The following DNAH14 variants were observed in gnomAD, a reference collection of about 807,000 sequenced individuals.
DNAH14 encodes dynein axonemal heavy chain 14.
DNAH14 carries 478 observed loss-of-function variants against 520.9 expected under a neutral mutation model. That is an observed-to-expected ratio of 0.92 (90% CI 0.85 to 0.99). DNAH14 has a LOEUF of 0.99. Among genes scored for constraint, DNAH14 ranks in the 50% least tolerant of loss-of-function variants. The probability of loss-of-function intolerance (pLI) is 0.00; values close to 1 mark genes in which losing one functional copy is unlikely to be tolerated. For missense variants in DNAH14, 4,831 were observed against 5,234.5 expected, an observed-to-expected ratio of 0.92 and a Z score of 2.38; for synonymous variants, 1,581 against 1,757.2, an observed-to-expected ratio of 0.90 and a Z score of 2.51.
chr1:225,077,486 T>C (rs1372273889), intron 17 of DNAH14, among the ~76,000 whole-genome samples: 1 of 85,392 alleles, frequency 1.2e-5, no homozygotes, highest in African/African-American at 2.9e-5. Context: ...GATATAAATG[T>C]GTATTTCAAA....
rs1286887330 is a variant in DNAH14, at chr1:225,207,262, C to T, written c.6439+42C>T. On this transcript the variant is annotated intron_variant, in intron 41 of 85. Transcript: ENST00000682510. ...AAGTCATATCAATGATATATCTTAG[C>T]TAGTCAATGCTAATTCATCACCGTC... The T allele has an allele frequency of 5.6e-6, 8 of 1,427,334 alleles. No individual in the cohort carries two copies. The East Asian group carries it at 2.1e-4, about 38-fold the overall frequency. The allele number at this position is 1,427,334 out of a possible 1,614,324, so 88.4% of individuals were successfully genotyped here. A position where few individuals can be genotyped will look rare whatever the true frequency, so the allele number is the denominator to read the frequency against.
chr1:225,272,245 C>T (rs764384177), intron 51 of DNAH14, among the ~76,000 whole-genome samples, 172 bp downstream of exon 51: 5 of 152,094 alleles, frequency 3.3e-5, no homozygotes, highest in Admixed American at 6.6e-5. Context: ...AAAATAATTC[C>T]GTGCAAATAA....
At chr1:224,997,633 A>G (rs925953480) in intron 8 of DNAH14, among the ~76,000 whole-genome samples, 10 of 151,892 alleles carry the variant, frequency 6.6e-5, no homozygotes, top group Non-Finnish European at 1.3e-4. Flanking sequence ...AGTCTGTGTT[A>G]ATTCTTCTTT....
intron 27 of DNAH14, among the ~76,000 whole-genome samples, chr1:225,131,206 T>C (rs2078383662): frequency 6.6e-6 from 1 of 152,202 alleles, no homozygotes; most frequent in African/African-American, 2.4e-5. Context: ...AGTTTTCTAC[T>C]GCTGTTATTA....
intron 8 of DNAH14, among the ~76,000 whole-genome samples, chr1:224,989,805 A>C (rs925151175): frequency 6.6e-6 from 1 of 152,002 alleles, no homozygotes; most frequent in Non-Finnish European, 1.5e-5. Context: ...TTTCTGTATA[A>C]ATTTATTTGA....
chr1:225,271,833 T>C, intron 50 of DNAH14, 73 bp from the exon 51 acceptor site: 1 of 1,214,198 alleles, frequency 8.2e-7, no homozygotes, highest in Non-Finnish European at 1.1e-6. Flanking sequence ...GTCCGCTTTT[T>C]AGTGGAAGGT....
intron 27 of DNAH14, among the ~76,000 whole-genome samples, chr1:225,127,222 G>A (rs1398780290): frequency 1.3e-5 from 2 of 152,096 alleles, no homozygotes; most frequent in Non-Finnish European, 2.9e-5. Context: ...TGTCTATTAG[G>A]TCCACTTGGT....
chr1:224,946,254 C>G (rs1490478667), intron 1 of DNAH14, among the ~76,000 whole-genome samples: 3 of 152,080 alleles, frequency 2.0e-5, no homozygotes, highest in Non-Finnish European at 2.9e-5. Flanking sequence ...GCTGTGCTAG[C>G]AATGAGAGAG....
chr1:225,173,801 A>T (rs1289997271), intron 36 of DNAH14, among the ~76,000 whole-genome samples: 1 of 152,236 alleles, frequency 6.6e-6, no homozygotes, highest in African/African-American at 2.4e-5. Context: ...GTATAAAGAC[A>T]TATGCACATA....
chr1:225,383,269 T>C (rs2095802066), intron 81 of DNAH14, among the ~76,000 whole-genome samples: 1 of 152,136 alleles, frequency 6.6e-6, no homozygotes, highest in Non-Finnish European at 1.5e-5. Context: ...ATAATAACAA[T>C]TATAATTCCT....
chr1:224,943,943 G>A (rs190167148), intron 1 of DNAH14, among the ~76,000 whole-genome samples: 1 of 152,228 alleles, frequency 6.6e-6, no homozygotes, highest in African/African-American at 2.4e-5. Flanking sequence ...AATAAGTGCG[G>A]TGTGGTGCTG....
chr1:225,049,225 A>G (rs1473178928), intron 15 of DNAH14, among the ~76,000 whole-genome samples: 1 of 151,360 alleles, frequency 6.6e-6, no homozygotes, highest in Non-Finnish European at 1.5e-5. Flanking sequence ...ACGCCCAGCT[A>G]ATTTTTTTTG....
Position 225,119,292 on chromosome 1 carries a change from AAAGT to A in DNAH14, c.4166+4_4166+7del, listed in dbSNP as rs753695693. On this transcript the variant is annotated splice_donor_variant and coding_sequence_variant, in exon 26 of 86. Transcript: ENST00000682510. LOFTEE classifies it high-confidence loss of function. ...AAAAAAGCATGTTCGATGTGCTAAA[AAAGT>A]AAGTACAATTTTCAAATCCTAAAAT... 486 of 1,515,526 alleles carry A rather than the reference AAAGT, an allele frequency of 3.2e-4. 1 individual carries two copies. Among genetic ancestry groups the A allele is most frequent in the Non-Finnish European group, 4.0e-4 (453 of 1,129,042 alleles). The allele number at this position is 1,515,526 out of a possible 1,614,324, so 93.9% of individuals were successfully genotyped here.
intron 49 of DNAH14, 81 bp downstream of exon 49, chr1:225,266,850 A>C: frequency 7.5e-7 from 1 of 1,326,600 alleles, no homozygotes; most frequent in Non-Finnish European, 1.0e-6. Flanking sequence ...TGTTGAGTGA[A>C]TTGCTTGAGA....
intron 5 of DNAH14, among the ~76,000 whole-genome samples, chr1:224,965,858 C>A (rs1467591590): frequency 2.0e-5 from 3 of 152,124 alleles, no homozygotes; most frequent in Admixed American, 1.3e-4. Flanking sequence ...AAAACCATAG[C>A]TGTACATGGG....
At chr1:224,932,997 T>C (rs2058791175) in intron 1 of DNAH14, among the ~76,000 whole-genome samples, 1 of 152,158 alleles carries the variant, frequency 6.6e-6, no homozygotes, top group African/African-American at 2.4e-5. Context: ...GGAATTGCAT[T>C]GAATCTGTAA....
At position 225,271,955 on chromosome 1, in the gene DNAH14, A is replaced by C. The variant is rs1224484375; in HGVS notation, c.7721A>C (p.Gln2574Pro). 5 of 1,550,326 alleles carry C rather than the reference A, an allele frequency of 3.2e-6. No individual in the cohort carries two copies. Among genetic ancestry groups the C allele is most frequent in the Non-Finnish European group, 4.4e-6 (5 of 1,146,594 alleles). ...FSINNFTPEV[Q>P]KSKDQIISCS... ...ATCAATAACTTCACACCTGAAGTTC[A>C]GAAAAGTAAGGATCAGATAATATCT... The change falls in exon 51 of 86, where the codon CAG becomes CCG. Residue 2574 changes from glutamine (Q) to proline (P), a missense_variant. Gln to Pro is a moderately conservative substitution (Grantham distance 76). Coordinates refer to ENST00000682510, the MANE Select transcript of DNAH14 (RefSeq NM_001367479.1).
At position 225,042,026 on chromosome 1, in the gene DNAH14, C is replaced by T. The variant is rs562950662; in HGVS notation, c.1489-809C>T. 5.9e-5 allele frequency among the ~76,000 whole-genome samples: 9 copies of T among 152,280 alleles called. No individual in the cohort carries two copies. In the East Asian group the frequency reaches 1.5e-3, roughly 26 times the overall value. On this transcript the variant is annotated intron_variant, in intron 12 of 85. Transcript: ENST00000682510. ...CATCATCCTGAACAAACACTATACC[C>T]ATTTGTGTGAACATTTAAGATTTGC...
At chr1:224,999,615 T>G (rs933531585) in intron 8 of DNAH14, among the ~76,000 whole-genome samples, 10 of 152,338 alleles carry the variant, frequency 6.6e-5, no homozygotes, top group African/African-American at 2.4e-4. Context: ...GTAAGCCATT[T>G]TTTTTATTCT....
Sources: allele counts gnomAD v4.1 joint callset (sites outside exome capture counted in the v4.1 genomes callset), GRCh38; gene constraint gnomAD v4.1.1; transcripts MANE v1.5; gene names NCBI Gene and HGNC (gene_info 2026-07-23, HGNC 2026-07-21).